SLC4A2: variants seen among roughly 807,000 people sequenced by gnomAD.
SLC4A2 encodes solute carrier family 4 member 2.
In SLC4A2, 36 loss-of-function variants were observed where a neutral mutation model predicts 115.0. That is an observed-to-expected ratio of 0.31 (90% CI 0.24 to 0.41). The LOEUF (loss-of-function observed/expected upper bound fraction) is 0.41, where lower values mean the gene tolerates loss of function less well. Among genes scored for constraint, SLC4A2 ranks in the 10% least tolerant of loss-of-function variants. The probability of loss-of-function intolerance (pLI) is 1.00; values close to 1 mark genes in which losing one functional copy is unlikely to be tolerated. For synonymous variants in SLC4A2, 708 were observed against 708.3 expected, an observed-to-expected ratio of 1.00 and a Z score of 0.01; for missense variants, 1,252 against 1,705.6, an observed-to-expected ratio of 0.73 and a Z score of 4.68.
intron 2 of SLC4A2, chr7:151,062,415 C>A: frequency 1.2e-6 from 1 of 822,528 alleles, no homozygotes; most frequent in South Asian, 2.2e-5. Context: ...CCTGCCACGA[C>A]TGGCCACGCC....
chr7:151,066,465 C>T (rs1031297047), intron 5 of SLC4A2, 52 bp from the exon 6 acceptor site: 153 of 1,455,956 alleles, frequency 1.1e-4, no homozygotes, highest in Middle Eastern at 2.5e-4. Flanking sequence ...GGGTGCTGGG[C>T]GTGGGGGAGG....
intron 11 of SLC4A2, 42 bp from the exon 12 acceptor site, chr7:151,070,685 C>T: frequency 6.2e-7 from 1 of 1,607,844 alleles, no homozygotes. Context: ...GGAAGGCGGT[C>T]CTGCTGCTCT....
chr7:151,069,586 T>C (rs569270876), intron 8 of SLC4A2, among the ~76,000 whole-genome samples: 49 of 152,264 alleles, frequency 3.2e-4, no homozygotes, highest in Admixed American at 3.1e-3. Context: ...AGGAGAGTTT[T>C]CTAACAGCCA....
chr7:151,068,830 T>TA (rs1797324267), intron 8 of SLC4A2, among the ~76,000 whole-genome samples: 1 of 146,530 alleles, frequency 6.8e-6, no homozygotes, highest in Non-Finnish European at 1.5e-5. Context: ...TAAAATTAAA[T>TA]TAAAAAAAAA....
rs2229548 is a variant in SLC4A2 at position 151,066,553 on chromosome 7, G to A, written c.615G>A (p.Ala205=). ...AGGAGGCGGAGGCGGAGGCGGTGGC[G>A]GTGGCCAGTGGCACTGCAGGGGGTG... is the stretch of plus-strand genomic sequence containing the variant. ...QVEEAEAEAV[A]VASGTAGGDD... The change falls in exon 6 of 23, where the codon GCG becomes GCA. Residue 205 remains alanine, a synonymous_variant. Transcript: ENST00000413384. 75 of 1,540,564 alleles carry A rather than the reference G, an allele frequency of 4.9e-5. No homozygotes were observed. Among genetic ancestry groups the A allele is most frequent in the Middle Eastern group, 2.3e-4 (1 of 4,396 alleles).
rs756395448 is a variant in SLC4A2 at position 151,072,067 on chromosome 7, C to A, written c.2466C>A (p.Phe822Leu). Residue 822 changes from phenylalanine (F) to leucine (L), a missense_variant, in exon 16 of 23, where the codon TTC (phenylalanine) becomes TTA (leucine). Transcript: ENST00000413384. ...TCCTGGTCCGCTTCGTCTCCCGCTT[C>A]ACCCAGGAGATCTTCGCCTTCTTGA... ...GSFLVRFVSR[F>L]TQEIFAFLIS... 2.4e-5 allele frequency: 38 copies of A among 1,614,146 alleles called. No individual in the cohort carries two copies. Among genetic ancestry groups the A allele is most frequent in the Non-Finnish European group, 3.2e-5 (38 of 1,180,008 alleles).
At chr7:151,059,026 G>C (rs1796965838), upstream of SLC4A2, 1 of 152,244 alleles carries the variant, frequency 6.6e-6, no homozygotes, top group Admixed American at 6.5e-5. This position sits in a 1 kb window ranked among gnomAD's most constrained non-coding sequence, Gnocchi z 5.8. Context: ...GGGCAAAAAA[G>C]AACTACACAC....
In SLC4A2 at chr7:151,064,303, A is replaced by G; in HGVS notation, c.153A>G (p.Leu51=). 1.9e-6 allele frequency: 3 copies of G among 1,609,840 alleles called. No individual in the cohort carries two copies. The highest frequency in any genetic ancestry group is 2.5e-6 in the Non-Finnish European group (3 of 1,178,724). The change falls in exon 3 of 23, where the codon CTA becomes CTG. Residue 51 remains leucine, a synonymous_variant. Coordinates refer to ENST00000413384, the MANE Select transcript of SLC4A2 (RefSeq NM_003040.4). ...TLGVERFEEI[L]QEAGSRGGEE... ...GCGTGGAGCGGTTTGAGGAGATCCTACAGGAGGCCGGGTCTCGTGGAGGGG... is the reference window on the plus strand; with the variant it reads ...GCGTGGAGCGGTTTGAGGAGATCCTGCAGGAGGCCGGGTCTCGTGGAGGGG...
At chr7:151,063,985 T>C (rs749074910) in intron 2 of SLC4A2, among the ~76,000 whole-genome samples, 1 of 151,792 alleles carries the variant, frequency 6.6e-6, no homozygotes, top group Non-Finnish European at 1.5e-5. Flanking sequence ...CACCTCAGCC[T>C]CCCAAAGTGC....
rs1584977917 is a variant in SLC4A2 at position 151,059,632 on chromosome 7, G to A, written c.-194G>A. The A allele has an allele frequency of 6.6e-6, 1 of 151,440 alleles. No homozygotes were observed. Among genetic ancestry groups the A allele is most frequent in the Non-Finnish European group, 1.5e-5 (1 of 67,716 alleles). The allele number at this position is 151,440 out of a possible 1,614,324, so 9.4% of individuals were successfully genotyped here. A position where few individuals can be genotyped will look rare whatever the true frequency, so the allele number is the denominator to read the frequency against. On this transcript the variant is annotated 5_prime_UTR_variant, in exon 1 of 23. Transcript: ENST00000413384. The surrounding 1 kb of genome is among the most constrained non-coding windows in gnomAD (Gnocchi z 5.8). ...TGCCCGCGGCGCGGGGGAAAGTTGA[G>A]TTGGGAGAAGTTGGGAGCGGCGGGG...
At position 151,075,271 on chromosome 7, in the gene SLC4A2, A is replaced by G. The variant is rs1797584986; in HGVS notation, c.3064A>G (p.Lys1022Glu). The G allele has an allele frequency of 1.2e-6, 2 of 1,613,164 alleles. No homozygotes were observed. The highest frequency in any genetic ancestry group is 1.7e-6 in the Non-Finnish European group (2 of 1,179,998). ...TQITTLIISK[K>E]ERMLQKGSGF... The stretch of plus-strand genomic sequence containing the variant: ...CGCTCTCAGGCTCATCATCTCCAAG[A>G]AGGAGCGCATGCTGCAGAAGGGCTC... Residue 1022 changes from lysine to glutamate, a missense_variant, in exon 20 of 23, where the codon AAG (lysine) becomes GAG (glutamate). Lys to Glu is a moderately conservative substitution (Grantham distance 56, BLOSUM62 1). Around this residue, in one of 14 missense-constraint regions of SLC4A2, gnomAD observed 253 missense variants for 407.4 expected, o/e 0.62. Transcript: ENST00000413384.
intron 7 of SLC4A2, among the ~76,000 whole-genome samples, chr7:151,067,606 C>T (rs941030913): frequency 6.6e-6 from 1 of 152,248 alleles, no homozygotes; most frequent in Non-Finnish European, 1.5e-5. Context: ...AGGCACGTAG[C>T]GTGCCATGTG....
At chr7:151,067,831 C>T (rs752149599) in intron 7 of SLC4A2, 43 bp from the exon 8 acceptor site, 1 of 1,589,252 alleles carries the variant, frequency 6.3e-7, no homozygotes, top group Non-Finnish European at 8.6e-7. Context: ...CCAGGGCTGC[C>T]TCCGGCTCTG....
chr7:151,058,928 A>G (rs940757508), upstream of SLC4A2: 1 of 152,254 alleles, frequency 6.6e-6, no homozygotes, highest in Non-Finnish European at 1.5e-5. Flanking sequence ...CGTGTTAATT[A>G]ACTCGTTTCT....
intron 19 of SLC4A2, 78 bp downstream of exon 19, chr7:151,074,919 C>A: frequency 1.4e-6 from 2 of 1,397,844 alleles, no homozygotes; most frequent in Non-Finnish European, 1.9e-6. Context: ...GAACCTCCAG[C>A]CACACTGGGC....
Position 151,062,050 on chromosome 7 carries a change from C to T in SLC4A2, c.51+12C>T. On this transcript the variant is annotated intron_variant, in intron 2 of 22. Transcript: ENST00000413384. ...ATTCTTTCTGTACGGTGAGTGTGGC[C>T]CCCAGGTCGCCAGCCCAACCTTCCC... The T allele has an allele frequency of 6.2e-7, 1 of 1,607,780 alleles. No individual in the cohort carries two copies. Among genetic ancestry groups the T allele is most frequent in the Non-Finnish European group, 8.5e-7 (1 of 1,178,454 alleles).
chr7:151,064,779 G>A lies in SLC4A2; in HGVS notation c.459+12G>A. The A allele has an allele frequency of 6.2e-7, 1 of 1,607,776 alleles. No individual in the cohort carries two copies. The highest frequency in any genetic ancestry group is 2.2e-5 in the East Asian group (1 of 44,694). On this transcript the variant is annotated intron_variant, in intron 4 of 22. Coordinates refer to ENST00000413384, the MANE Select transcript of SLC4A2 (RefSeq NM_003040.4). ...CCTCCTCGGTGCAGGTGCGCTGGGT[G>A]CGGGCTCCTAGGGCATGTCGGCAGG...
chr7:151,063,133 G>A lies in SLC4A2; in HGVS notation c.52-1069G>A, dbSNP rs946504475. 57 of 1,500,178 alleles carry A rather than the reference G, an allele frequency of 3.8e-5. No individual in the cohort carries two copies. The African/African-American group carries it at 6.8e-4, about 18-fold the overall frequency. The allele number at this position is 1,500,178 out of a possible 1,614,324, so 92.9% of individuals were successfully genotyped here. A position where few individuals can be genotyped will look rare whatever the true frequency, so the allele number is the denominator to read the frequency against. ...GCTGGGCTGAGCTCTTACAAGCGCC[G>A]CATTCCCTGCCGGCTGTGCCGGCCG... On this transcript the variant is annotated intron_variant, in intron 2 of 22. Coordinates refer to ENST00000413384, the MANE Select transcript of SLC4A2 (RefSeq NM_003040.4).
rs1199910643 is a variant in SLC4A2 at position 151,075,242 on chromosome 7, C to G, written c.3048-13C>G. On this transcript the variant is annotated splice_polypyrimidine_tract_variant and intron_variant, in intron 19 of 22. Coordinates refer to ENST00000413384, the MANE Select transcript of SLC4A2 (RefSeq NM_003040.4). Reference sequence around the variant, plus strand: ...TCCAGCCTGGGCCTCAGCAGCACCCCTCCCGCTCTCAGGCTCATCATCTCC... The same window carrying G: ...TCCAGCCTGGGCCTCAGCAGCACCCGTCCCGCTCTCAGGCTCATCATCTCC... The G allele has an allele frequency of 6.2e-7, 1 of 1,611,966 alleles. No homozygotes were observed. Among genetic ancestry groups the G allele is most frequent in the African/African-American group, 1.3e-5 (1 of 75,052 alleles).
Sources: allele counts gnomAD v4.1 joint callset (sites outside exome capture counted in the v4.1 genomes callset), GRCh38; gene constraint gnomAD v4.1.1; regional missense constraint gnomAD v4.1.1; non-coding constraint Gnocchi (gnomAD v3.1); transcripts MANE v1.5; gene names NCBI Gene and HGNC (gene_info 2026-07-23, HGNC 2026-07-21).